The following HS6ST3 variants were observed in gnomAD, a reference collection of about 807,000 sequenced individuals.
HS6ST3 encodes the protein heparan-sulfate 6-O-sulfotransferase 3.
Under a neutral mutation model 36.7 loss-of-function variants are expected in HS6ST3, and 12 were observed. That is an observed-to-expected ratio of 0.33 (90% CI 0.21 to 0.53). HS6ST3 has a LOEUF of 0.53. Among genes scored for constraint, HS6ST3 ranks in the 20% least tolerant of loss-of-function variants. The pLI is 0.95. For synonymous variants in HS6ST3, 240 were observed against 257.5 expected (o/e 0.93, Z 0.65); for missense variants, 584 against 640.9 (o/e 0.91, Z 0.96).
intron 1 of HS6ST3, among the ~76,000 whole-genome samples, chr13:96,812,302 A>G (rs1403869519): frequency 6.6e-6 from 1 of 152,034 alleles, no homozygotes; most frequent in East Asian, 1.9e-4. Flanking sequence ...GCGGTCCAAT[A>G]TTTCCCCATA....
At chr13:96,601,701 G>T (rs1405043383) in intron 1 of HS6ST3, among the ~76,000 whole-genome samples, 1 of 151,970 alleles carries the variant, frequency 6.6e-6, no homozygotes, top group Non-Finnish European at 1.5e-5. Flanking sequence ...CATATTACGA[G>T]AATTATTTTT....
chr13:96,393,022 C>T (rs1368247028), intron 1 of HS6ST3, among the ~76,000 whole-genome samples: 2 of 152,072 alleles, frequency 1.3e-5, no homozygotes, highest in Non-Finnish European at 2.9e-5. Context: ...GACAGTTTCT[C>T]CCATACCGTT....
chr13:96,404,297 G>T (rs78732551), intron 1 of HS6ST3, among the ~76,000 whole-genome samples: 4 of 152,094 alleles, frequency 2.6e-5, no homozygotes, highest in African/African-American at 9.7e-5. Context: ...TTATATGCCC[G>T]TAGGACACAA....
At chr13:96,440,428 C>T (rs113908638) in intron 1 of HS6ST3, among the ~76,000 whole-genome samples, 17 of 119,586 alleles carry the variant, frequency 1.4e-4, no homozygotes, top group African/African-American at 4.2e-4. Context: ...TCTGGGTGAC[C>T]GAGAGAGATT....
In HS6ST3 at chr13:96,498,735, G is replaced by A. The variant is rs150008159; in HGVS notation, c.708-333755G>A. Among the ~76,000 whole-genome samples, 1,015 of 152,208 alleles carry A rather than the reference G, an allele frequency of 6.7e-3. 12 individuals carry two copies. The highest frequency in any genetic ancestry group is 0.024 in the African/African-American group (978 of 41,526). ...GTTACTTATTCAACTTGTATCCTTT[G>A]TAATAAAATGTGAAATTCAAAAGGG... On this transcript the variant is annotated intron_variant, in intron 1 of 1. Coordinates refer to ENST00000376705, the MANE Select transcript of HS6ST3 (RefSeq NM_153456.4).
chr13:96,400,937 G>A (rs1271841036), intron 1 of HS6ST3, among the ~76,000 whole-genome samples: 1 of 151,898 alleles, frequency 6.6e-6, no homozygotes, highest in Non-Finnish European at 1.5e-5. Flanking sequence ...AGATAGAAAT[G>A]GACAGTATAA....
chr13:96,728,038 A>G (rs1024652480), intron 1 of HS6ST3, among the ~76,000 whole-genome samples: 1 of 152,066 alleles, frequency 6.6e-6, no homozygotes, highest in Non-Finnish European at 1.5e-5. Flanking sequence ...TTTCTTATCT[A>G]TCTATTCCAC....
At chr13:96,740,044 T>A (rs765416932) in intron 1 of HS6ST3, among the ~76,000 whole-genome samples, 2 of 152,182 alleles carry the variant, frequency 1.3e-5, no homozygotes, top group Non-Finnish European at 2.9e-5. Context: ...TGCCACCTAT[T>A]TCTTCAGCCT....
chr13:96,450,532 A>G (rs142776333), intron 1 of HS6ST3, among the ~76,000 whole-genome samples: 81 of 152,224 alleles, frequency 5.3e-4, no homozygotes, highest in Middle Eastern at 3.4e-3. Context: ...TTCAATGACT[A>G]TTGAGTATTT....
chr13:96,411,701 G>A (rs1342760804), intron 1 of HS6ST3, among the ~76,000 whole-genome samples: 13 of 152,174 alleles, frequency 8.5e-5, no homozygotes. Flanking sequence ...TAGAGGCAGG[G>A]CAATTAGTTA....
chr13:96,385,902 G>A (rs2055365535), intron 1 of HS6ST3, among the ~76,000 whole-genome samples: 1 of 152,116 alleles, frequency 6.6e-6, no homozygotes, highest in Admixed American at 6.5e-5. Flanking sequence ...CCAGTAGGTA[G>A]CAGATCCCAG....
intron 1 of HS6ST3, among the ~76,000 whole-genome samples, chr13:96,381,745 C>G (rs1017758440): frequency 2.0e-5 from 3 of 152,176 alleles, no homozygotes; most frequent in African/African-American, 7.2e-5. Flanking sequence ...CTGTCATGTA[C>G]TTGCCTTGCA....
intron 1 of HS6ST3, among the ~76,000 whole-genome samples, chr13:96,374,815 A>G (rs1347129981): frequency 6.6e-6 from 1 of 152,108 alleles, no homozygotes; most frequent in African/African-American, 2.4e-5. Flanking sequence ...GGGGTACAGT[A>G]GATAATCTGT....
At chr13:96,495,290 A>G (rs570832083) in intron 1 of HS6ST3, among the ~76,000 whole-genome samples, 31 of 152,284 alleles carry the variant, frequency 2.0e-4, no homozygotes, top group African/African-American at 7.5e-4. Context: ...TTTTATTTCT[A>G]GGGTCATTGT....
rs531153636 is a variant in HS6ST3 at position 96,423,354 on chromosome 13, G to T, written c.707+331785G>T. Among the ~76,000 whole-genome samples the T allele has an allele frequency of 5.3e-5, 8 of 152,028 alleles. No individual in the cohort carries two copies. In the South Asian group the frequency reaches 1.7e-3, roughly 32 times the overall value. On this transcript the variant is annotated intron_variant, in intron 1 of 1. Coordinates refer to ENST00000376705, the MANE Select transcript of HS6ST3 (RefSeq NM_153456.4). ...GGGTCCAAAAAAAGTTTCTTTCCTTGGTGATCTTGTTTTTTAGTGGAGAAG... is the reference window on the plus strand; with the variant it reads ...GGGTCCAAAAAAAGTTTCTTTCCTTTGTGATCTTGTTTTTTAGTGGAGAAG...
chr13:96,522,986 G>T (rs1023107936), intron 1 of HS6ST3, among the ~76,000 whole-genome samples: 6 of 152,162 alleles, frequency 3.9e-5, no homozygotes, highest in Admixed American at 2.6e-4. Context: ...GCATGTTTTT[G>T]CAGTGGCTGG....
chr13:96,461,967 A>G (rs1339257898), intron 1 of HS6ST3, among the ~76,000 whole-genome samples: 2 of 152,254 alleles, frequency 1.3e-5, no homozygotes, highest in Non-Finnish European at 2.9e-5. Context: ...AAGAGAGTGT[A>G]TAATGATCAA....
intron 1 of HS6ST3, among the ~76,000 whole-genome samples, chr13:96,215,410 T>C (rs1186889580): frequency 6.6e-6 from 1 of 152,248 alleles, no homozygotes; most frequent in African/African-American, 2.4e-5. Flanking sequence ...CCGATGGCAG[T>C]GGGTTTATCC....
At chr13:96,766,843 T>A (rs183996424) in intron 1 of HS6ST3, among the ~76,000 whole-genome samples, 153 of 152,312 alleles carry the variant, frequency 1.0e-3, no homozygotes, top group Middle Eastern at 3.4e-3. Context: ...TTATAGACAG[T>A]ACTAACTTTG....
Sources: gnomAD v4.1 joint callset for allele counts (sites outside exome capture counted in the v4.1 genomes callset) on GRCh38, gnomAD v4.1.1 for gene constraint, MANE v1.5 for transcripts, NCBI Gene and HGNC (gene_info 2026-07-23, HGNC 2026-07-21) for gene names.